CRYZL1: variants seen among roughly 807,000 people sequenced by gnomAD.
CRYZL1 encodes crystallin zeta like 1.
CRYZL1 carries 34 observed loss-of-function variants against 50.6 expected under a neutral mutation model. The ratio of observed to expected loss-of-function variants is 0.67; its 90% CI spans 0.51 to 0.89. The LOEUF (loss-of-function observed/expected upper bound fraction) is 0.89. Ranked by LOEUF, CRYZL1 falls within the 40% of genes least tolerant of loss-of-function variation. CRYZL1 has a pLI of 0.00. For missense variants in CRYZL1, 354 were observed against 402.3 expected (o/e 0.88, Z 1.03); for synonymous variants, 125 against 134.3 (o/e 0.93, Z 0.48).
Position 33,602,280 on chromosome 21 carries a change from G to A in CRYZL1, c.531C>T (p.Cys177=), listed in dbSNP as rs1237511116. 6.2e-7 allele frequency: 1 copy of A among 1,611,944 alleles called. No individual in the cohort carries two copies. Among genetic ancestry groups the A allele is most frequent in the Non-Finnish European group, 8.5e-7 (1 of 1,178,018 alleles). ...HRGAKVISTA[C]SLEDKQCLER... is the part of the protein sequence containing the mutation. ...CAAGGCACTGCTTATCTTCAAGGCTGCATGCTGTTGAAATCACTTTGGCTC... is the reference window on the plus strand; with the variant it reads ...CAAGGCACTGCTTATCTTCAAGGCTACATGCTGTTGAAATCACTTTGGCTC... The change falls in exon 8 of 13, where the codon TGC becomes TGT. Residue 177 remains cysteine, a synonymous_variant. Transcript: ENST00000381554.
chr21:33,616,476 G>A, intron 5 of CRYZL1: 3 of 526,460 alleles, frequency 5.7e-6, no homozygotes, highest in Non-Finnish European at 9.5e-6. Flanking sequence ...ATTTTTAGTA[G>A]AGACGAGGTT....
chr21:33,625,049 G>A (rs1432914663), intron 2 of CRYZL1, among the ~76,000 whole-genome samples: 1 of 152,050 alleles, frequency 6.6e-6, no homozygotes, highest in Admixed American at 6.6e-5. Context: ...AAGTAAAGCA[G>A]CAAATACTGT....
chr21:33,592,088 G>C (rs958793632), intron 11 of CRYZL1, among the ~76,000 whole-genome samples: 3 of 150,736 alleles, frequency 2.0e-5, no homozygotes, highest in African/African-American at 7.3e-5. Context: ...TATGTAGATA[G>C]TGGTTATGCT....
chr21:33,594,830 G>C (rs527791444), intron 11 of CRYZL1: 1 of 152,246 alleles, frequency 6.6e-6, no homozygotes, highest in South Asian at 2.1e-4. Flanking sequence ...TTAAAGCTCC[G>C]AATAAAGACT....
chr21:33,631,357 T>A (rs2087135199), intron 2 of CRYZL1, 129 bp downstream of exon 2: 1 of 546,872 alleles, frequency 1.8e-6, no homozygotes, highest in Admixed American at 4.2e-5. Context: ...AGGAAAGTAC[T>A]GTAATTTGAG....
chr21:33,595,959 A>G (rs1262117411), intron 10 of CRYZL1, 123 bp from the exon 11 acceptor site: 6 of 675,270 alleles, frequency 8.9e-6, no homozygotes, highest in Non-Finnish European at 1.6e-5. Flanking sequence ...AAATATGCAC[A>G]TAAACTTTAA....
chr21:33,624,640 G>T (rs369128909), intron 3 of CRYZL1, 43 bp downstream of exon 3: 2 of 1,602,678 alleles, frequency 1.2e-6, no homozygotes, highest in African/African-American at 1.4e-5. Flanking sequence ...AATACACTAA[G>T]AAACTCTCAT....
chr21:33,632,403 A>AGTCTC (rs906878546), intron 1 of CRYZL1, among the ~76,000 whole-genome samples: 2 of 151,908 alleles, frequency 1.3e-5, no homozygotes, highest in African/African-American at 4.8e-5. Flanking sequence ...TTTTAGATGG[A>AGTCTC]GTCTCGCCCT....
At chr21:33,594,806 C>A (rs2086678096) in intron 11 of CRYZL1, 1 of 141,466 alleles carries the variant, frequency 7.1e-6, no homozygotes, top group South Asian at 2.3e-4. Flanking sequence ...CCATGCCCGG[C>A]CTACATAACT....
intron 8 of CRYZL1, among the ~76,000 whole-genome samples, chr21:33,600,629 CTTT>C (rs141776549): frequency 1.4e-5 from 2 of 139,934 alleles, no homozygotes; most frequent in Non-Finnish European, 1.6e-5. Context: ...ACCATTCATG[CTTT>C]TTTTTTTTTT....
chr21:33,631,636 T>C, intron 1 of CRYZL1, 79 bp from the exon 2 acceptor site: 1 of 915,940 alleles, frequency 1.1e-6, no homozygotes, highest in South Asian at 2.6e-5. Context: ...AAAACAGTGC[T>C]GGCAAAGGAT....
intron 5 of CRYZL1, 157 bp downstream of exon 5, chr21:33,616,549 C>T (rs937112053): frequency 3.4e-6 from 5 of 1,481,282 alleles, no homozygotes; most frequent in Admixed American, 2.0e-5. Context: ...ACCTTGGCCT[C>T]CCAACGTGCT....
intron 1 of CRYZL1, 70 bp downstream of exon 1, chr21:33,641,611 T>TG (rs1034332675): frequency 1.4e-5 from 3 of 218,930 alleles, no homozygotes; most frequent in Non-Finnish European, 2.8e-5. Flanking sequence ...CACGGTTCTG[T>TG]GGGGCATCTC....
intron 1 of CRYZL1, among the ~76,000 whole-genome samples, chr21:33,640,594 T>C (rs982574691): frequency 2.6e-5 from 4 of 152,204 alleles, no homozygotes; most frequent in African/African-American, 7.2e-5. Context: ...CTATTTTGAC[T>C]ATTATTTCTG....
At chr21:33,630,257 G>A (rs2087121917) in intron 2 of CRYZL1, among the ~76,000 whole-genome samples, 2 of 152,038 alleles carry the variant, frequency 1.3e-5, no homozygotes, top group South Asian at 4.1e-4. Flanking sequence ...TAGCCATTAT[G>A]GACAAAAATA....
intron 5 of CRYZL1, 47 bp downstream of exon 5, chr21:33,616,659 G>T (rs1305740375): frequency 6.2e-7 from 1 of 1,603,868 alleles, no homozygotes; most frequent in Non-Finnish European, 8.5e-7. Flanking sequence ...AAACAGAGAT[G>T]ACGGTAAAAT....
intron 1 of CRYZL1, chr21:33,640,100 A>G (rs1379758632): frequency 6.9e-5 from 106 of 1,533,242 alleles, no homozygotes; most frequent in Non-Finnish European, 8.8e-5. Context: ...TGCTGGGATT[A>G]CAGGCGTGAG....
chr21:33,611,217 C>G (rs1161288397), intron 6 of CRYZL1, among the ~76,000 whole-genome samples: 1 of 152,130 alleles, frequency 6.6e-6, no homozygotes, highest in Non-Finnish European at 1.5e-5. Flanking sequence ...AAATTTCAAA[C>G]TGCACAATTT....
At chr21:33,616,994 C>T (rs764748958) in intron 4 of CRYZL1, 100 of 267,814 alleles carry the variant, frequency 3.7e-4, no homozygotes, top group Middle Eastern at 1.1e-3. Flanking sequence ...AGAAGTATCT[C>T]TCTCTTTGCC....
Sources: gnomAD v4.1 joint callset for allele counts (sites outside exome capture counted in the v4.1 genomes callset) on GRCh38, gnomAD v4.1.1 for gene constraint, MANE v1.5 for transcripts, NCBI Gene and HGNC (gene_info 2026-07-23, HGNC 2026-07-21) for gene names.